The following FAM3D variants were observed in gnomAD, a reference collection of about 807,000 sequenced individuals.
FAM3D encodes the protein protein FAM3D.
In FAM3D, 26 loss-of-function variants were observed where a neutral mutation model predicts 29.8. That is an observed-to-expected ratio of 0.87 (90% CI 0.64 to 1.21). FAM3D has a LOEUF of 1.21. Ranked by LOEUF, FAM3D falls within the 50% of genes most tolerant of loss-of-function variation. The pLI is 0.00. For missense variants in FAM3D, 253 were observed against 290.9 expected, an observed-to-expected ratio of 0.87 and a Z score of 0.95; for synonymous variants, 115 against 102.3, an observed-to-expected ratio of 1.12 and a Z score of -0.75.
intron 5 of FAM3D, 77 bp downstream of exon 5, chr3:58,645,432 C>A: frequency 8.4e-7 from 1 of 1,195,058 alleles, no homozygotes; most frequent in Non-Finnish European, 1.1e-6. Context: ...GCCCCTGCAG[C>A]CTCTGAGTTT....
intron 6 of FAM3D, among the ~76,000 whole-genome samples, chr3:58,642,356 G>A (rs569345475): frequency 5.3e-5 from 8 of 152,320 alleles, no homozygotes; most frequent in African/African-American, 1.9e-4. Flanking sequence ...AAGTGCAGGG[G>A]CTTGGAGCTG....
intron 6 of FAM3D, among the ~76,000 whole-genome samples, 161 bp downstream of exon 6, chr3:58,643,501 C>T (rs1472172753): frequency 2.0e-5 from 3 of 152,196 alleles, no homozygotes; most frequent in African/African-American, 4.8e-5. Context: ...TCTTTGAGAC[C>T]TTCTGTTCCC....
At chr3:58,640,803 A>T (rs1243897220) in intron 6 of FAM3D, among the ~76,000 whole-genome samples, 1 of 152,218 alleles carries the variant, frequency 6.6e-6, no homozygotes, top group Admixed American at 6.5e-5. Context: ...CTCCGCCGCT[A>T]GATGGAGGCG....
chr3:58,663,204 C>T (rs952477256), intron 1 of FAM3D, among the ~76,000 whole-genome samples: 1 of 152,242 alleles, frequency 6.6e-6, no homozygotes, highest in Non-Finnish European at 1.5e-5. Context: ...TGGTCTCCTC[C>T]TACCACTTTT....
intron 6 of FAM3D, among the ~76,000 whole-genome samples, chr3:58,642,141 C>T (rs985866141): frequency 1.3e-5 from 2 of 152,186 alleles, no homozygotes; most frequent in Non-Finnish European, 2.9e-5. Flanking sequence ...AGGCCTGGGC[C>T]CTCCTCAAAG....
chr3:58,659,256 C>G lies in FAM3D; in HGVS notation c.-38-3655G>C, dbSNP rs187625776. Among the ~76,000 whole-genome samples the G allele has an allele frequency of 2.6e-5, 4 of 152,290 alleles. No individual in the cohort carries two copies. In the South Asian group the frequency reaches 8.3e-4, roughly 32 times the overall value. Reference sequence around the variant, plus strand: ...CTCTCGCTAGTGCACCTCCAGGGCACGATTCCTATACGGATGTTTGCTCTT... The same window carrying G: ...CTCTCGCTAGTGCACCTCCAGGGCAGGATTCCTATACGGATGTTTGCTCTT... On this transcript the variant is annotated intron_variant, in intron 1 of 9. Transcript: ENST00000358781.
Position 58,634,190 on chromosome 3 carries a change from C to A in FAM3D, c.*89G>T. On this transcript the variant is annotated 3_prime_UTR_variant, in exon 10 of 10. Transcript: ENST00000358781. This position sits in a 1 kb window ranked among gnomAD's most constrained non-coding sequence, Gnocchi z 4.6. ...AGCACCTTCCACGCAGCACCCCCTG[C>A]TCCTCCTCCTCAGCCCCTGCCGGGC... 1 of 1,205,584 alleles carries A rather than the reference C, an allele frequency of 8.3e-7. No homozygotes were observed. The highest frequency in any genetic ancestry group is 1.2e-6 in the Non-Finnish European group (1 of 842,606). 74.7% of individuals were successfully genotyped at this position (1,205,584 alleles called of 1,614,324 possible).
At chr3:58,640,219 T>C in intron 6 of FAM3D, 42 bp from the exon 7 acceptor site, 1 of 1,604,542 alleles carries the variant, frequency 6.2e-7, no homozygotes, top group Non-Finnish European at 8.5e-7. Flanking sequence ...GTAACACGTG[T>C]CATTCTGCCT....
intron 7 of FAM3D, among the ~76,000 whole-genome samples, chr3:58,637,546 C>A (rs1003879856): frequency 2.6e-5 from 4 of 152,094 alleles, no homozygotes; most frequent in Admixed American, 2.0e-4. Flanking sequence ...GTGTGCCTAC[C>A]CCTCTGGGGA....
At chr3:58,641,196 A>C (rs1009678023) in intron 6 of FAM3D, among the ~76,000 whole-genome samples, 3 of 152,196 alleles carry the variant, frequency 2.0e-5, no homozygotes, top group African/African-American at 7.2e-5. Flanking sequence ...GGGCTTCCCC[A>C]CATCTGGCAT....
chr3:58,650,867 G>A (rs1161671712), intron 3 of FAM3D, among the ~76,000 whole-genome samples: 3 of 152,208 alleles, frequency 2.0e-5, no homozygotes, highest in South Asian at 2.1e-4. Context: ...ACAGGCGCCC[G>A]CCACCACGCC....
rs1436066032 is a variant in FAM3D at position 58,634,379 on chromosome 3, A to AGG, written c.586-12_586-11insCC. On this transcript the variant is annotated splice_polypyrimidine_tract_variant and intron_variant, in intron 9 of 9. Coordinates refer to ENST00000358781, the MANE Select transcript of FAM3D (RefSeq NM_138805.3). This position sits in a 1 kb window ranked among gnomAD's most constrained non-coding sequence, Gnocchi z 4.6. ...GCTGTTCTTTAAGAACTAGAGAGAG[A>AGG]GAAGACAGAGAAATATAGGCAGTGA... 1 of 1,612,252 alleles carries AGG rather than the reference A, an allele frequency of 6.2e-7. No homozygotes were observed. The highest frequency in any genetic ancestry group is 8.5e-7 in the Non-Finnish European group (1 of 1,178,876).
intron 1 of FAM3D, among the ~76,000 whole-genome samples, chr3:58,659,474 GAGA>G (rs2066891177): frequency 6.6e-6 from 1 of 152,242 alleles, no homozygotes. Context: ...TCTCCAGGCT[GAGA>G]AGGTGGAGCA....
intron 3 of FAM3D, among the ~76,000 whole-genome samples, chr3:58,652,405 C>T (rs545493954): frequency 8.2e-5 from 12 of 145,882 alleles, no homozygotes; most frequent in Admixed American, 2.1e-4. Context: ...CATCTATCCA[C>T]CCACCCACCC....
chr3:58,650,327 A>T (rs951188387), intron 3 of FAM3D, among the ~76,000 whole-genome samples: 1 of 152,206 alleles, frequency 6.6e-6, no homozygotes, highest in East Asian at 1.9e-4. Context: ...AGCTGGGTCA[A>T]TCATACTATT....
chr3:58,660,833 C>T (rs1196620442), intron 1 of FAM3D, among the ~76,000 whole-genome samples: 1 of 152,158 alleles, frequency 6.6e-6, no homozygotes, highest in South Asian at 2.1e-4. Context: ...CTTGTTTAAT[C>T]TTACAACAGC....
intron 1 of FAM3D, among the ~76,000 whole-genome samples, chr3:58,658,491 G>GAAGGTGT: frequency 6.6e-6 from 1 of 152,224 alleles, no homozygotes; most frequent in East Asian, 1.9e-4. Context: ...TTGCACTTGC[G>GAAGGTGT]AGTCCCTCTG....
chr3:58,659,548 G>A (rs890493207), intron 1 of FAM3D, among the ~76,000 whole-genome samples: 1 of 152,166 alleles, frequency 6.6e-6, no homozygotes, highest in Admixed American at 6.5e-5. Context: ...CTCCTGGCCC[G>A]GCATTCTGTG....
intron 3 of FAM3D, among the ~76,000 whole-genome samples, chr3:58,650,417 CAG>C (rs149308345): frequency 4.0e-5 from 6 of 150,618 alleles, no homozygotes; most frequent in Admixed American, 6.6e-5. Flanking sequence ...GAGGGAGAGA[CAG>C]AGAGAGAGAG....
Sources: allele counts gnomAD v4.1 joint callset (sites outside exome capture counted in the v4.1 genomes callset), GRCh38; gene constraint gnomAD v4.1.1; non-coding constraint Gnocchi (gnomAD v3.1); transcripts MANE v1.5; gene names NCBI Gene and HGNC (gene_info 2026-07-23, HGNC 2026-07-21).